CRISP1: variants seen among roughly 807,000 people sequenced by gnomAD.
The protein encoded by CRISP1 is cysteine-rich secretory protein 1.
Under a neutral mutation model 33.1 loss-of-function variants are expected in CRISP1, and 44 were observed. The ratio of observed to expected loss-of-function variants is 1.33; its 90% CI spans 1.05 to 1.71. The LOEUF is 1.71. Ranked by LOEUF, CRISP1 falls within the 40% of genes most tolerant of loss-of-function variation. The pLI is 0.00. For synonymous variants in CRISP1, 103 were observed against 98.7 expected, an observed-to-expected ratio of 1.04 and a Z score of -0.26; for missense variants, 390 against 301.2, an observed-to-expected ratio of 1.29 and a Z score of -2.18.
rs201153726 is a variant in CRISP1 at position 49,835,296 on chromosome 6, C to T, written c.*20G>A. On this transcript the variant is annotated 3_prime_UTR_variant, in exon 8 of 8. Transcript: ENST00000335847. ...TCCTCCTCATCGTCACAGCATAGAA[C>T]AGTTGAAAATAACAAAGACCTATTT... 6.2e-6 allele frequency: 10 copies of T among 1,612,408 alleles called. No homozygotes were observed. Among genetic ancestry groups the T allele is most frequent in the African/African-American group, 2.7e-5 (2 of 74,876 alleles).
chr6:49,872,341 T>G (rs1299573120), intron 1 of CRISP1, among the ~76,000 whole-genome samples: 1 of 152,060 alleles, frequency 6.6e-6, no homozygotes. Flanking sequence ...TTTCTCCCAT[T>G]TTGTAGGTTG....
At chr6:49,850,600 C>T (rs1029624685) in intron 3 of CRISP1, among the ~76,000 whole-genome samples, 2 of 152,088 alleles carry the variant, frequency 1.3e-5, no homozygotes, top group Admixed American at 6.6e-5. Context: ...ATGTCCTATG[C>T]ATTGTTTGTG....
intron 1 of CRISP1, among the ~76,000 whole-genome samples, chr6:49,873,633 G>C (rs1158111252): frequency 6.6e-6 from 1 of 151,960 alleles, no homozygotes; most frequent in South Asian, 2.1e-4. Flanking sequence ...AAGGAACAGA[G>C]TTATTTATAG....
chr6:49,876,322 C>A (rs952007426), intron 1 of CRISP1, among the ~76,000 whole-genome samples: 3 of 152,086 alleles, frequency 2.0e-5, no homozygotes, highest in African/African-American at 7.2e-5. Context: ...AAATGCAAAT[C>A]AAAACCACAA....
chr6:49,875,517 T>C (rs978745450), intron 1 of CRISP1, among the ~76,000 whole-genome samples: 1 of 152,066 alleles, frequency 6.6e-6, no homozygotes, highest in Non-Finnish European at 1.5e-5. Flanking sequence ...TAAACTATCA[T>C]TGGCATTCTT....
upstream of CRISP1, among the ~76,000 whole-genome samples, chr6:49,871,060 G>T (rs186901704): frequency 6.6e-6 from 1 of 150,996 alleles, no homozygotes; most frequent in South Asian, 2.1e-4. Context: ...GAGAGATCGC[G>T]CCATTGCACT....
At chr6:49,865,725 T>C (rs1771784660) in intron 1 of CRISP1, among the ~76,000 whole-genome samples, 1 of 151,902 alleles carries the variant, frequency 6.6e-6, no homozygotes, top group South Asian at 2.1e-4. Context: ...CAAAGGGAAG[T>C]TGAGGAGGGC....
chr6:49,844,738 T>C (rs995917122), intron 5 of CRISP1, among the ~76,000 whole-genome samples: 5 of 152,192 alleles, frequency 3.3e-5, no homozygotes, highest in African/African-American at 1.2e-4. Context: ...TGCCTGGTTT[T>C]GGATTTGCCT....
chr6:49,875,314 A>G (rs1772012894), intron 1 of CRISP1, among the ~76,000 whole-genome samples: 2 of 151,692 alleles, frequency 1.3e-5, no homozygotes, highest in African/African-American at 2.4e-5. Flanking sequence ...CCCATTCACA[A>G]TTGCTTCCTA....
intron 1 of CRISP1, among the ~76,000 whole-genome samples, chr6:49,865,629 G>A (rs1486389678): frequency 8.5e-5 from 13 of 152,158 alleles, no homozygotes; most frequent in Non-Finnish European, 1.3e-4. Context: ...TCCATAAGCA[G>A]TTTTGGAGAG....
intron 1 of CRISP1, among the ~76,000 whole-genome samples, chr6:49,864,604 T>C (rs1023657220): frequency 6.6e-6 from 1 of 152,132 alleles, no homozygotes; most frequent in African/African-American, 2.4e-5. Context: ...TAATCTATTA[T>C]GTTTGTGTAA....
At chr6:49,871,797 C>T (rs1355818934) in intron 1 of CRISP1, among the ~76,000 whole-genome samples, 5 of 151,968 alleles carry the variant, frequency 3.3e-5, no homozygotes, top group African/African-American at 4.8e-5. Context: ...TCTGGTCTAT[C>T]GTTGTTGGAC....
In CRISP1 at chr6:49,838,504, CTT is replaced by C; in HGVS notation, c.553_554del (p.Lys185GlufsTer2). 1 of 1,612,620 alleles carries C rather than the reference CTT, an allele frequency of 6.2e-7. No homozygotes were observed. The highest frequency in any genetic ancestry group is 2.2e-5 in the East Asian group (1 of 44,828). ...GGACGCCTGTCTTATAAGGTTCATT[CTT>C]TGTTTCAGGATCATTTCCCCTTGAA... ...YCHEGNDPET[K>X]NEPYKTGVPC... On this transcript the variant is annotated frameshift_variant, in exon 7 of 8. Transcript: ENST00000335847. LOFTEE classifies it high-confidence loss of function.
intron 2 of CRISP1, among the ~76,000 whole-genome samples, chr6:49,852,798 A>G (rs1771389030): frequency 6.6e-6 from 1 of 152,156 alleles, no homozygotes; most frequent in African/African-American, 2.4e-5. Context: ...GAAGAAAAAT[A>G]CATGACCAAA....
intron 2 of CRISP1, among the ~76,000 whole-genome samples, chr6:49,856,419 G>A (rs1041304135): frequency 6.6e-6 from 1 of 152,144 alleles, no homozygotes; most frequent in Non-Finnish European, 1.5e-5. Context: ...GAAGGAAGAA[G>A]TCTTATTCAG....
At chr6:49,851,888 T>G in intron 3 of CRISP1, 113 bp downstream of exon 3, 1 of 1,241,418 alleles carries the variant, frequency 8.1e-7, no homozygotes, top group Non-Finnish European at 1.1e-6. Flanking sequence ...ATGTAAAAGA[T>G]TTGTTGTGAA....
Position 49,835,067 on chromosome 6 carries a change from G to T in CRISP1, c.*249C>A. 1 of 343,238 alleles carries T rather than the reference G, an allele frequency of 2.9e-6. No individual in the cohort carries two copies. The highest frequency in any genetic ancestry group is 5.3e-6 in the Non-Finnish European group (1 of 190,382). 21.3% of individuals were successfully genotyped at this position (343,238 alleles called of 1,614,324 possible). The stretch of plus-strand genomic sequence containing the variant: ...CCAGTTATACCATAAGTTGAATTAT[G>T]CCAACTTAAAAACTATAAATCACAT... On this transcript the variant is annotated 3_prime_UTR_variant, in exon 8 of 8. Coordinates refer to ENST00000335847, the MANE Select transcript of CRISP1 (RefSeq NM_001131.3).
chr6:49,841,006 A>G lies in CRISP1; in HGVS notation c.436-11T>C. ...TGTGGCCCAAACAATCTGCAATGAT[A>G]AAGAGTTGTTTTATTACAGATTAAA... On this transcript the variant is annotated splice_polypyrimidine_tract_variant and intron_variant, in intron 5 of 7. Transcript: ENST00000335847. The G allele has an allele frequency of 6.2e-7, 1 of 1,605,564 alleles. No homozygotes were observed. The highest frequency in any genetic ancestry group is 2.2e-5 in the East Asian group (1 of 44,798).
At chr6:49,846,816 G>T in intron 4 of CRISP1, 148 bp from the exon 5 acceptor site, 1 of 756,248 alleles carries the variant, frequency 1.3e-6, no homozygotes, top group Non-Finnish European at 2.0e-6. Context: ...TATCCCCACT[G>T]AAAATCTTTC....
Sources: gnomAD v4.1 joint callset for allele counts (sites outside exome capture counted in the v4.1 genomes callset) on GRCh38, gnomAD v4.1.1 for gene constraint, MANE v1.5 for transcripts, NCBI Gene and HGNC (gene_info 2026-07-23, HGNC 2026-07-21) for gene names.